Variants in PRSS23 observed in about 807,000 individuals in gnomAD.
The protein encoded by PRSS23 is serine protease 23.
Under a neutral mutation model 34.7 loss-of-function variants are expected in PRSS23, and 25 were observed. That is an observed-to-expected ratio of 0.72 (90% CI 0.53 to 1.01). The LOEUF is 1.01. PRSS23 is among the 50% of genes least tolerant of loss of function. The probability of loss-of-function intolerance (pLI) is 0.00; values close to 1 mark genes in which losing one functional copy is unlikely to be tolerated. For synonymous variants in PRSS23, 176 were observed against 186.6 expected, an observed-to-expected ratio of 0.94 and a Z score of 0.46; for missense variants, 445 against 475.6, an observed-to-expected ratio of 0.94 and a Z score of 0.60.
At chr11:86,897,906 A>G (rs1196068466) in intron 2 of PRSS23, among the ~76,000 whole-genome samples, 1 of 152,236 alleles carries the variant, frequency 6.6e-6, no homozygotes, top group Non-Finnish European at 1.5e-5. Flanking sequence ...TATGGGCTAA[A>G]AACTGTGCCA....
intron 2 of PRSS23, among the ~76,000 whole-genome samples, chr11:86,851,517 G>T (rs149491135): frequency 0.091 from 13,882 of 152,326 alleles, 862 homozygotes; most frequent in Non-Finnish European, 0.13. Context: ...GAGAGGGCAG[G>T]TTGGATGCAG....
At chr11:86,837,244 G>T (rs1263946396) in intron 2 of PRSS23, 1 of 152,220 alleles carries the variant, frequency 6.6e-6, no homozygotes, top group African/African-American at 2.4e-5. Flanking sequence ...ATTGCCACAA[G>T]TTCCCTTGAT....
Position 86,807,648 on chromosome 11 carries a change from C to G in PRSS23, c.5C>G (p.Ala2Gly), listed in dbSNP as rs11556748. 3.1e-6 allele frequency: 5 copies of G among 1,608,056 alleles called. No individual in the cohort carries two copies. The highest frequency in any genetic ancestry group is 4.3e-6 in the Non-Finnish European group (5 of 1,176,468). M[A>G]GIPGLLFLLF... is the part of the protein sequence containing the mutation. ...TTCTACAGAACAGTGCTCGGCATGG[C>G]AGGGATTCCAGGGCTCCTCTTCCTT... The change falls in exon 2 of 2, where the codon GCA becomes GGA. Residue 2 changes from alanine (A) to glycine (G), a missense_variant. Transcript: ENST00000280258.
At chr11:86,833,625 C>A (rs1948378863) in intron 2 of PRSS23, among the ~76,000 whole-genome samples, 1 of 152,098 alleles carries the variant, frequency 6.6e-6, no homozygotes, top group Admixed American at 6.5e-5. Context: ...TGCTCTCAGG[C>A]CATAGATGAT....
intron 2 of PRSS23, chr11:86,909,942 A>G (rs966174711): frequency 2.6e-5 from 4 of 152,226 alleles, no homozygotes; most frequent in Non-Finnish European, 4.4e-5. Context: ...CACACTCACA[A>G]TATGACAGGT....
chr11:86,839,971 C>T (rs914574521), intron 2 of PRSS23, among the ~76,000 whole-genome samples: 7 of 151,692 alleles, frequency 4.6e-5, no homozygotes, highest in Admixed American at 1.3e-4. Context: ...TGGAAAGGAA[C>T]AACCTGTACC....
intron 2 of PRSS23, among the ~76,000 whole-genome samples, chr11:86,872,701 T>G (rs189139832): frequency 3.9e-5 from 6 of 152,306 alleles, no homozygotes; most frequent in African/African-American, 1.2e-4. Flanking sequence ...GTTATAATGA[T>G]GAAAACCCAA....
upstream of PRSS23, among the ~76,000 whole-genome samples, chr11:86,796,458 G>T (rs1392498693): frequency 2.0e-5 from 3 of 151,604 alleles, no homozygotes; most frequent in South Asian, 6.3e-4. Flanking sequence ...TGGCTAACAC[G>T]GTGAAACCCC....
intron 2 of PRSS23, among the ~76,000 whole-genome samples, chr11:86,838,928 G>GCATCAA (rs1280998638): frequency 6.6e-6 from 1 of 152,134 alleles, no homozygotes; most frequent in Non-Finnish European, 1.5e-5. Context: ...GAAAGGAATA[G>GCATCAA]CATCAACATC....
chr11:86,861,040 T>G (rs1948609803), intron 2 of PRSS23, among the ~76,000 whole-genome samples: 1 of 151,924 alleles, frequency 6.6e-6, no homozygotes, highest in African/African-American at 2.4e-5. Context: ...GCAGGAGGTG[T>G]ACATCCCTCT....
At chr11:86,847,633 C>T (rs759877159) in intron 2 of PRSS23, among the ~76,000 whole-genome samples, 1 of 152,236 alleles carries the variant, frequency 6.6e-6, no homozygotes, top group Non-Finnish European at 1.5e-5. Flanking sequence ...CGGACACTCC[C>T]TTAAGATGTA....
chr11:86,924,339 T>A (rs1377064608), intron 2 of PRSS23, among the ~76,000 whole-genome samples: 1 of 152,162 alleles, frequency 6.6e-6, no homozygotes, highest in Non-Finnish European at 1.5e-5. Context: ...TCAGAATGCA[T>A]TTATTTTGCC....
intron 2 of PRSS23, among the ~76,000 whole-genome samples, chr11:86,823,787 A>T (rs917273427): frequency 1.3e-5 from 2 of 152,008 alleles, no homozygotes; most frequent in Admixed American, 6.5e-5. Flanking sequence ...CGGGCGGATC[A>T]CGAGGTCAGG....
chr11:86,840,186 G>A (rs1199418148), intron 2 of PRSS23, among the ~76,000 whole-genome samples: 1 of 152,114 alleles, frequency 6.6e-6, no homozygotes, highest in African/African-American at 2.4e-5. Flanking sequence ...ACCCATCAGT[G>A]TGCTGTATTC....
downstream of PRSS23, among the ~76,000 whole-genome samples, chr11:86,812,256 G>A (rs1948183716): frequency 6.6e-6 from 1 of 152,202 alleles, no homozygotes; most frequent in Non-Finnish European, 1.5e-5. Flanking sequence ...TGGGGCTGCA[G>A]CTCCCTGCGT....
At chr11:86,798,231 A>G (rs949965602), upstream of PRSS23, among the ~76,000 whole-genome samples, 39 of 152,216 alleles carry the variant, frequency 2.6e-4, no homozygotes, top group African/African-American at 9.2e-4. Flanking sequence ...TTTTTATAAT[A>G]AAAGATAAAC....
intron 2 of PRSS23, among the ~76,000 whole-genome samples, chr11:86,838,331 G>C (rs957068218): frequency 1.1e-4 from 16 of 152,254 alleles, no homozygotes; most frequent in African/African-American, 3.4e-4. Flanking sequence ...TGGCTTGGTG[G>C]GTGCCACAGC....
At chr11:86,888,833 G>A (rs938687319) in intron 2 of PRSS23, among the ~76,000 whole-genome samples, 2 of 152,236 alleles carry the variant, frequency 1.3e-5, no homozygotes, top group African/African-American at 4.8e-5. Flanking sequence ...TTCAAAGCTG[G>A]AGGATCCAAC....
chr11:86,797,245 G>A (rs575408019), upstream of PRSS23, among the ~76,000 whole-genome samples: 2 of 152,348 alleles, frequency 1.3e-5, no homozygotes, highest in African/African-American at 4.8e-5. Context: ...TCCCCACTGG[G>A]GAGGGAAATG....
Sources: gnomAD v4.1 joint callset for allele counts (sites outside exome capture counted in the v4.1 genomes callset) on GRCh38, gnomAD v4.1.1 for gene constraint, MANE v1.5 for transcripts, NCBI Gene and HGNC (gene_info 2026-07-23, HGNC 2026-07-21) for gene names.